MREG: variants seen among roughly 807,000 people sequenced by gnomAD.
MREG encodes the protein dilute suppressor protein homolog.
In MREG, 31 loss-of-function variants were observed where a neutral mutation model predicts 28.5. The observed-to-expected ratio is 1.09, with a 90% CI of 0.82 to 1.47. The LOEUF is 1.47. Among genes scored for constraint, MREG ranks in the 40% most tolerant of loss-of-function variants. The probability of loss-of-function intolerance (pLI) is 0.00; values close to 1 mark genes in which losing one functional copy is unlikely to be tolerated. For synonymous variants in MREG, 106 were observed against 95.2 expected, an observed-to-expected ratio of 1.11 and a Z score of -0.66; for missense variants, 256 against 257.4, an observed-to-expected ratio of 0.99 and a Z score of 0.04.
intron 1 of MREG, among the ~76,000 whole-genome samples, chr2:216,003,143 C>A (rs11684792): frequency 2.0e-5 from 3 of 151,850 alleles, no homozygotes; most frequent in African/African-American, 7.2e-5. Context: ...GCTGGGGTGT[C>A]GGGGGGCGAT....
chr2:215,970,446 T>C (rs1693057590), intron 2 of MREG, among the ~76,000 whole-genome samples: 4 of 152,204 alleles, frequency 2.6e-5, no homozygotes. Flanking sequence ...ATGAATGTAT[T>C]TTCCATTTTG....
At chr2:216,024,838 ACG>A (rs1338703221) in intron 1 of MREG, among the ~76,000 whole-genome samples, 2 of 150,680 alleles carry the variant, frequency 1.3e-5, no homozygotes, top group African/African-American at 4.9e-5. Flanking sequence ...AGCCGAGATC[ACG>A]CCATTGCACT....
intron 1 of MREG, among the ~76,000 whole-genome samples, chr2:216,024,488 C>G (rs1694565548): frequency 6.6e-6 from 1 of 151,676 alleles, no homozygotes; most frequent in Admixed American, 6.6e-5. Flanking sequence ...CTCTTTTGTC[C>G]CTAAGCCAAA....
chr2:216,015,770 G>A (rs1475277698), upstream of MREG, among the ~76,000 whole-genome samples: 1 of 152,156 alleles, frequency 6.6e-6, no homozygotes, highest in African/African-American at 2.4e-5. Flanking sequence ...GAGCCAACAG[G>A]ATATGCTGAA....
intron 2 of MREG, among the ~76,000 whole-genome samples, chr2:215,971,429 G>A (rs1308799678): frequency 1.3e-5 from 2 of 152,124 alleles, no homozygotes; most frequent in South Asian, 4.1e-4. Flanking sequence ...TGTACCCTAA[G>A]GTGCTTTTTA....
rs112708303 is a variant in MREG, at chr2:216,013,382, A to G, written c.-55T>C. 6.5e-6 allele frequency: 9 copies of G among 1,383,458 alleles called. No homozygotes were observed. Among genetic ancestry groups the G allele is most frequent in the African/African-American group, 1.5e-5 (1 of 65,822 alleles). 85.7% of individuals were successfully genotyped at this position (1,383,458 alleles called of 1,614,324 possible). The stretch of plus-strand genomic sequence containing the variant: ...AGCCTGGGGCCGAGTCGCCGCGGCG[A>G]GCGATCGAGGCTGGGGCGCGGCCAC... On this transcript the variant is annotated 5_prime_UTR_variant, in exon 1 of 5. Coordinates refer to ENST00000263268, the MANE Select transcript of MREG (RefSeq NM_018000.3).
intron 2 of MREG, among the ~76,000 whole-genome samples, chr2:215,994,552 ATAATTT>A (rs1275182582): frequency 2.7e-5 from 3 of 112,254 alleles, no homozygotes; most frequent in Non-Finnish European, 5.2e-5. Flanking sequence ...AACTTAAAGT[ATAATTT>A]TAAAAAAAAA....
intron 2 of MREG, among the ~76,000 whole-genome samples, chr2:215,975,614 C>T (rs1348527547): frequency 6.6e-6 from 1 of 152,206 alleles, no homozygotes; most frequent in Admixed American, 6.5e-5. Context: ...CTAGACACTG[C>T]CACAGTCCAT....
intron 1 of MREG, among the ~76,000 whole-genome samples, chr2:216,026,717 A>G (rs1173030244): frequency 6.6e-6 from 1 of 151,444 alleles, no homozygotes; most frequent in Non-Finnish European, 1.5e-5. Flanking sequence ...AATGGGGTAA[A>G]ACATACACAC....
chr2:216,033,102 T>G (rs1209513415), upstream of MREG: 1 of 152,238 alleles, frequency 6.6e-6, no homozygotes, highest in East Asian at 1.9e-4. Flanking sequence ...TACCCAAGAT[T>G]GAGAGACTAG....
chr2:215,963,417 T>C (rs988533109), intron 2 of MREG, among the ~76,000 whole-genome samples: 3 of 139,774 alleles, frequency 2.1e-5, no homozygotes, highest in Admixed American at 7.6e-5. Flanking sequence ...GCCTGAGTGA[T>C]AGAGTGAGAA....
At chr2:215,982,850 A>G (rs900372125) in intron 2 of MREG, among the ~76,000 whole-genome samples, 3 of 152,226 alleles carry the variant, frequency 2.0e-5, no homozygotes, top group Admixed American at 6.5e-5. Flanking sequence ...TGCCTCTTTC[A>G]TAGGGTTACC....
chr2:215,995,883 G>GA (rs3836040), intron 2 of MREG, among the ~76,000 whole-genome samples: 76,780 of 148,500 alleles, frequency 0.52, 19,813 homozygotes, highest in Non-Finnish European at 0.54. Flanking sequence ...CTTTAAACAG[G>GA]AAAAAAAAAA....
Position 215,999,955 on chromosome 2 carries a change from A to G in MREG, c.96-3490T>C, listed in dbSNP as rs150534473. ...AGAATCAGAAGAATGGTCTTACGGG[A>G]TTTGGAGAAGGAAGAGAATAGGTGA... On this transcript the variant is annotated intron_variant, in intron 1 of 4. Coordinates refer to ENST00000263268, the MANE Select transcript of MREG (RefSeq NM_018000.3). 2.2e-3 allele frequency among the ~76,000 whole-genome samples: 339 copies of G among 152,290 alleles called. 3 individuals carry two copies. Among genetic ancestry groups the G allele is most frequent in the African/African-American group, 5.7e-3 (237 of 41,556 alleles).
chr2:216,024,825 G>A (rs942790511), intron 1 of MREG, among the ~76,000 whole-genome samples: 1 of 150,020 alleles, frequency 6.7e-6, no homozygotes, highest in African/African-American at 2.5e-5. Flanking sequence ...AGAAGTTGCA[G>A]TAAGCCGAGA....
chr2:216,007,660 C>T (rs1694195414), intron 1 of MREG, among the ~76,000 whole-genome samples: 1 of 151,894 alleles, frequency 6.6e-6, no homozygotes, highest in Admixed American at 6.5e-5. Context: ...ATACTGCTGA[C>T]CTCAAGTGAT....
chr2:215,981,363 A>G (rs1338825438), intron 2 of MREG, among the ~76,000 whole-genome samples: 4 of 152,234 alleles, frequency 2.6e-5, no homozygotes, highest in Non-Finnish European at 5.9e-5. Flanking sequence ...TGCAGTGTGA[A>G]TGAACTTTGG....
At chr2:216,032,222 C>G (rs16855293) in intron 1 of MREG, among the ~76,000 whole-genome samples, 7,228 of 152,272 alleles carry the variant, frequency 0.047, 209 homozygotes, top group Middle Eastern at 0.085. Context: ...CTTAGAACTA[C>G]AAACTCTGAC....
Position 216,024,862 on chromosome 2 carries a change from G to A in MREG, c.-68+7927C>T, listed in dbSNP as rs146732583. ...CACGCCATTGCACTCCAGCCTGGGC[G>A]ACGGAGCAAGACTCTGTCTCAAAAA... is the stretch of plus-strand genomic sequence containing the variant. On this transcript the variant is annotated intron_variant, in intron 1 of 3. Coordinates refer to the MREG transcript ENST00000420348. Among the ~76,000 whole-genome samples the A allele has an allele frequency of 7.1e-3, 1,032 of 145,278 alleles. 17 individuals carry two copies. The highest frequency in any genetic ancestry group is 0.025 in the African/African-American group (972 of 39,138).
Sources: gnomAD v4.1 joint callset for allele counts (sites outside exome capture counted in the v4.1 genomes callset) on GRCh38, gnomAD v4.1.1 for gene constraint, MANE v1.5 for transcripts, NCBI Gene and HGNC (gene_info 2026-07-23, HGNC 2026-07-21) for gene names.